OSBP2: variants seen among roughly 807,000 people sequenced by gnomAD.
OSBP2 encodes the protein oxysterol-binding protein 2.
Under a neutral mutation model 96.0 loss-of-function variants are expected in OSBP2, and 66 were observed. The observed-to-expected ratio is 0.69, with a 90% CI of 0.56 to 0.84. The LOEUF (loss-of-function observed/expected upper bound fraction) is 0.84, where lower values mean the gene tolerates loss of function less well. OSBP2 is among the 40% of genes least tolerant of loss of function. The pLI, the probability that OSBP2 is intolerant of heterozygous loss-of-function variation, is 0.00. For missense variants in OSBP2, 1,038 were observed against 1,222.7 expected (o/e 0.85, Z 2.25); for synonymous variants, 525 against 520.9 (o/e 1.01, Z -0.11).
At chr22:30,718,939 T>C (rs2089503220) in intron 1 of OSBP2, among the ~76,000 whole-genome samples, 1 of 152,176 alleles carries the variant, frequency 6.6e-6, no homozygotes, top group African/African-American at 2.4e-5. Context: ...GGCACCTTCT[T>C]TGAATTTTTT....
chr22:30,714,062 TTCCCTCTATCCTTCCCAGCC>T (rs2089404633), intron 1 of OSBP2, among the ~76,000 whole-genome samples: 1 of 152,188 alleles, frequency 6.6e-6, no homozygotes, highest in African/African-American at 2.4e-5. Flanking sequence ...TCTCCCCCAC[TTCCCTCTATCCTTCCCAGCC>T]TCTAATAACT....
At chr22:30,772,978 G>C (rs1411184728) in intron 2 of OSBP2, 1 of 151,662 alleles carries the variant, frequency 6.6e-6, no homozygotes, top group African/African-American at 2.4e-5. Context: ...ATTTTTATTA[G>C]AGACAGGGTT....
rs552962356 is a variant in OSBP2 at position 30,893,133 on chromosome 22, C to G, written c.1881C>G (p.His627Gln). The G allele has an allele frequency of 6.2e-7, 1 of 1,612,758 alleles. No individual in the cohort carries two copies. The part of the protein sequence containing the change: ...LRSLCEQVSH[H>Q]PPSAAHYVFS... ...GGGTCTGGTCTCAGGTGAGCCACCA[C>G]CCCCCCTCAGCTGCGCACTACGTGT... Residue 627 changes from histidine (H) to glutamine (Q), a missense_variant, in exon 9 of 14, where the codon CAC becomes CAG. Around this residue, in one of 3 missense-constraint regions of OSBP2, gnomAD observed 737 missense variants for 913.3 expected, o/e 0.81. Coordinates refer to ENST00000332585, the MANE Select transcript of OSBP2 (RefSeq NM_030758.4).
At chr22:30,868,108 G>A (rs1048894285) in intron 2 of OSBP2, among the ~76,000 whole-genome samples, 4 of 152,202 alleles carry the variant, frequency 2.6e-5, no homozygotes, top group African/African-American at 4.8e-5. Context: ...CGGGGTCTTC[G>A]CAGGCATTAA....
intron 2 of OSBP2, among the ~76,000 whole-genome samples, chr22:30,839,307 A>G (rs2038699097): frequency 6.9e-6 from 1 of 144,264 alleles, no homozygotes; most frequent in Admixed American, 6.9e-5. Flanking sequence ...CACAATAAAC[A>G]TATGTGTGCA....
At chr22:30,898,328 G>A (rs2040112018) in intron 12 of OSBP2, among the ~76,000 whole-genome samples, 1 of 152,074 alleles carries the variant, frequency 6.6e-6, no homozygotes, top group South Asian at 2.1e-4. Context: ...ACTCTAGCCT[G>A]TGTGACAGAG....
chr22:30,700,842 CTG>C (rs1449232086), intron 1 of OSBP2, among the ~76,000 whole-genome samples: 5 of 151,718 alleles, frequency 3.3e-5, no homozygotes, highest in Admixed American at 6.6e-5. Context: ...TCCGAGAACT[CTG>C]GGAGGCTGAG....
chr22:30,810,638 C>A (rs964175036), intron 2 of OSBP2, among the ~76,000 whole-genome samples: 1 of 152,188 alleles, frequency 6.6e-6, no homozygotes, highest in African/African-American at 2.4e-5. Flanking sequence ...TACCTGAGCC[C>A]CCGCCCCCAC....
intron 3 of OSBP2, chr22:30,872,647 G>T (rs952629849): frequency 4.6e-5 from 16 of 350,320 alleles, no homozygotes; most frequent in African/African-American, 2.8e-4. Flanking sequence ...AAACCTGCTG[G>T]TGTTAGCCTG....
At chr22:30,791,863 C>G (rs963217155) in intron 2 of OSBP2, among the ~76,000 whole-genome samples, 1 of 152,148 alleles carries the variant, frequency 6.6e-6, no homozygotes, top group Non-Finnish European at 1.5e-5. Flanking sequence ...GGTTTAAGAA[C>G]CCTCTTATTC....
At position 30,889,243 on chromosome 22, in the gene OSBP2, G is replaced by C. The variant is rs200103201; in HGVS notation, c.1476+9G>C. On this transcript the variant is annotated intron_variant, in intron 6 of 13. Transcript: ENST00000332585. ...GGAGCTCAGCAGACAATGTAAGTGA[G>C]GGGGAGCACTGTAAGGGCCAGAAGG... The C allele has an allele frequency of 1.9e-4, 310 of 1,611,210 alleles. 2 individuals are homozygous for C. The Admixed American group carries it at 4.9e-3, about 26-fold the overall frequency.
At chr22:30,811,201 G>A (rs971089845) in intron 2 of OSBP2, among the ~76,000 whole-genome samples, 1 of 143,134 alleles carries the variant, frequency 7.0e-6, no homozygotes, top group Non-Finnish European at 1.5e-5. Flanking sequence ...AAATGAGATT[G>A]TACTGTACAT....
chr22:30,889,434 C>A, intron 6 of OSBP2, 56 bp from the exon 7 acceptor site: 2 of 1,603,906 alleles, frequency 1.2e-6, no homozygotes, highest in Non-Finnish European at 1.7e-6. Context: ...AACTTGGAAG[C>A]CAAGGGGGCG....
chr22:30,695,530 C>T lies in OSBP2; in HGVS notation c.621C>T (p.Gly207=), dbSNP rs1289711296. The T allele has an allele frequency of 1.2e-6, 2 of 1,610,260 alleles. No homozygotes were observed. Among genetic ancestry groups the T allele is most frequent in the Non-Finnish European group, 1.7e-6 (2 of 1,179,932 alleles). ...KGYQRRWFVL[G]NGLLSYYRNQ... is the part of the protein sequence containing the mutation. ...ACCAGCGCCGCTGGTTCGTGCTGGG[C>T]AATGGTTTGCTCTCTTACTACAGGT... The change falls in exon 1 of 14, where the codon GGC becomes GGT. Residue 207 remains glycine, a synonymous_variant. Coordinates refer to ENST00000332585, the MANE Select transcript of OSBP2 (RefSeq NM_030758.4).
At chr22:30,699,005 G>A (rs1172870322) in intron 1 of OSBP2, among the ~76,000 whole-genome samples, 3 of 151,930 alleles carry the variant, frequency 2.0e-5, no homozygotes, top group African/African-American at 4.8e-5. Flanking sequence ...ACAGTGGCAC[G>A]ATCTTGGCTT....
chr22:30,722,817 C>T (rs1192197864), intron 1 of OSBP2, among the ~76,000 whole-genome samples: 4 of 119,510 alleles, frequency 3.3e-5, no homozygotes. Context: ...CAGAGTCTCA[C>T]TCTGTCACCC....
chr22:30,737,835 C>T (rs1214415782), intron 1 of OSBP2, among the ~76,000 whole-genome samples: 4 of 152,048 alleles, frequency 2.6e-5, no homozygotes, highest in Non-Finnish European at 4.4e-5. Flanking sequence ...GCCTCAGCCT[C>T]CTGAGTAGCT....
chr22:30,829,079 T>C lies in OSBP2; in HGVS notation c.854-41350T>C, dbSNP rs554044456. 6.6e-5 allele frequency among the ~76,000 whole-genome samples: 10 copies of C among 152,230 alleles called. 1 individual carries two copies. The South Asian group carries it at 2.1e-3, about 32-fold the overall frequency. ...ATTGACAGTGTGGAGGCGATGGGGC[T>C]GGGACAGGCCCAGGCTCCCCCAGCC... On this transcript the variant is annotated intron_variant, in intron 2 of 13. Transcript: ENST00000332585.
chr22:30,694,121 C>A, upstream of OSBP2: 1 of 1,549,188 alleles, frequency 6.5e-7, no homozygotes, highest in Middle Eastern at 1.7e-4. Flanking sequence ...CCAGGGATCC[C>A]GGGAGGTCCA....
Sources: gnomAD v4.1 joint callset for allele counts (sites outside exome capture counted in the v4.1 genomes callset) on GRCh38, gnomAD v4.1.1 for gene constraint, gnomAD v4.1.1 regional missense constraint, MANE v1.5 for transcripts, NCBI Gene and HGNC (gene_info 2026-07-23, HGNC 2026-07-21) for gene names.